Variants in GAB2 observed in about 807,000 individuals in gnomAD.
GAB2 encodes the protein GRB2-associated-binding protein 2.
Under a neutral mutation model 65.5 loss-of-function variants are expected in GAB2, and 26 were observed. The observed-to-expected ratio is 0.40, with a 90% confidence interval of 0.29 to 0.55. GAB2 has a LOEUF of 0.55. GAB2 is among the 20% of genes least tolerant of loss of function. The probability of loss-of-function intolerance (pLI) is 0.53; values close to 1 mark genes in which losing one functional copy is unlikely to be tolerated. For synonymous variants in GAB2, 321 were observed against 329.6 expected (o/e 0.97, Z 0.28); for missense variants, 884 against 875.8 (o/e 1.01, Z -0.12).
chr11:78,242,450 C>T (rs1309798165), intron 3 of GAB2, among the ~76,000 whole-genome samples: 4 of 151,212 alleles, frequency 2.6e-5, no homozygotes, highest in South Asian at 2.1e-4. Context: ...TGCAGTGAGC[C>T]GAGATCATGC....
intron 3 of GAB2, among the ~76,000 whole-genome samples, chr11:78,231,225 C>G (rs1160122579): frequency 6.6e-6 from 1 of 152,198 alleles, no homozygotes; most frequent in Non-Finnish European, 1.5e-5. Flanking sequence ...TCCCTCAAGC[C>G]AGCAGTGCCA....
intron 1 of GAB2, among the ~76,000 whole-genome samples, chr11:78,309,433 T>G (rs903572003): frequency 1.3e-4 from 20 of 150,264 alleles, no homozygotes; most frequent in African/African-American, 4.6e-4. Context: ...TTTAAGAGAA[T>G]AAAATCTTGT....
At chr11:78,285,099 T>C (rs1866441028) in intron 1 of GAB2, among the ~76,000 whole-genome samples, 1 of 152,272 alleles carries the variant, frequency 6.6e-6, no homozygotes. Flanking sequence ...CATGTACTTC[T>C]GTGTGCTGCA....
chr11:78,410,944 T>C (rs965893308), intron 1 of GAB2, among the ~76,000 whole-genome samples: 1 of 151,486 alleles, frequency 6.6e-6, no homozygotes, highest in African/African-American at 2.4e-5. Flanking sequence ...AGCTCCGGAG[T>C]GTGAGACCAG....
At chr11:78,359,126 T>C (rs1204341369) in intron 1 of GAB2, among the ~76,000 whole-genome samples, 1 of 152,194 alleles carries the variant, frequency 6.6e-6, no homozygotes, top group African/African-American at 2.4e-5. Context: ...GTCTAACATA[T>C]ATCTAATCTT....
intron 1 of GAB2, among the ~76,000 whole-genome samples, chr11:78,307,700 T>C (rs1209417922): frequency 2.0e-5 from 3 of 152,122 alleles, no homozygotes; most frequent in Non-Finnish European, 4.4e-5. Context: ...TTTAAGTTTA[T>C]AACTAATTGA....
intron 2 of GAB2, among the ~76,000 whole-genome samples, chr11:78,267,857 CAAAAAAAAAAAA>C (rs751533828): frequency 7.0e-4 from 23 of 32,804 alleles, no homozygotes; most frequent in Non-Finnish European, 1.4e-3. Context: ...GACTCCGTCT[CAAAAAAAAAAAA>C]AAAAAAAAAA....
chr11:78,231,777 G>C (rs1292875485), intron 3 of GAB2: 1 of 152,014 alleles, frequency 6.6e-6, no homozygotes, highest in Admixed American at 6.5e-5. Flanking sequence ...TATCCCACTG[G>C]ACTCCAAGAA....
intron 3 of GAB2, among the ~76,000 whole-genome samples, chr11:78,231,336 G>GTGTGCGTGTGT (rs1554975133): frequency 2.1e-5 from 3 of 145,796 alleles, no homozygotes; most frequent in African/African-American, 7.8e-5. Context: ...GCGCGTGTGT[G>GTGTGCGTGTGT]GTGTGTGTGT....
intron 1 of GAB2, among the ~76,000 whole-genome samples, chr11:78,398,011 T>G (rs1856923035): frequency 9.1e-6 from 1 of 109,944 alleles, no homozygotes; most frequent in South Asian, 2.8e-4. Flanking sequence ...TGGTCCTGCC[T>G]GTGAATAGCT....
intron 2 of GAB2, among the ~76,000 whole-genome samples, chr11:78,263,313 T>A (rs996866207): frequency 6.6e-6 from 1 of 152,106 alleles, no homozygotes; most frequent in Non-Finnish European, 1.5e-5. Flanking sequence ...AATGTGCTAG[T>A]TGTTGGTCAG....
chr11:78,265,923 TA>T (rs1477942440), intron 2 of GAB2, among the ~76,000 whole-genome samples: 1 of 152,056 alleles, frequency 6.6e-6, no homozygotes, highest in African/African-American at 2.4e-5. Flanking sequence ...ACACTGTAAC[TA>T]AAACATTCAG....
intron 1 of GAB2, among the ~76,000 whole-genome samples, chr11:78,285,436 A>G (rs1036941004): frequency 6.6e-5 from 10 of 152,146 alleles, no homozygotes; most frequent in African/African-American, 2.4e-4. Context: ...CCAAATTCAC[A>G]CATCCCTCTT....
intron 3 of GAB2, among the ~76,000 whole-genome samples, chr11:78,237,807 G>T (rs1865021129): frequency 6.6e-6 from 1 of 152,216 alleles, no homozygotes; most frequent in African/African-American, 2.4e-5. Context: ...ACTGGATCAA[G>T]AAAATGTGGT....
chr11:78,264,624 C>A (rs1865827382), intron 2 of GAB2, among the ~76,000 whole-genome samples: 1 of 151,694 alleles, frequency 6.6e-6, no homozygotes. Context: ...CCAGGCTGGT[C>A]TTGAACTCCT....
chr11:78,282,633 T>G (rs1026224615), intron 1 of GAB2, among the ~76,000 whole-genome samples: 1 of 152,042 alleles, frequency 6.6e-6, no homozygotes, highest in African/African-American at 2.4e-5. Flanking sequence ...TTTGATTAAG[T>G]CATTTACCTC....
At chr11:78,351,081 G>T (rs936120429) in intron 1 of GAB2, among the ~76,000 whole-genome samples, 2 of 152,116 alleles carry the variant, frequency 1.3e-5, no homozygotes, top group Non-Finnish European at 1.5e-5. Flanking sequence ...GCTGTTGACC[G>T]AGGCAACTGT....
chr11:78,251,004 A>G (rs1234031788), intron 2 of GAB2, among the ~76,000 whole-genome samples: 1 of 152,076 alleles, frequency 6.6e-6, no homozygotes. Flanking sequence ...ATGGGGTACA[A>G]TGCTATTTGG....
At chr11:78,223,704 C>T in intron 5 of GAB2, 28 bp from the exon 6 acceptor site, 1 of 1,548,004 alleles carries the variant, frequency 6.5e-7, no homozygotes, top group Non-Finnish European at 8.7e-7. Flanking sequence ...GAAAGAAATA[C>T]AGCTGTTACT....
Sources: gnomAD v4.1 joint callset for allele counts (sites outside exome capture counted in the v4.1 genomes callset) on GRCh38, gnomAD v4.1.1 for gene constraint, MANE v1.5 for transcripts, NCBI Gene and HGNC (gene_info 2026-07-23, HGNC 2026-07-21) for gene names.